The following TDRD3 variants were observed in gnomAD, a reference collection of about 807,000 sequenced individuals.
TDRD3 encodes tudor domain containing 3, also known as tudor domain-containing protein 3.
TDRD3 carries 45 observed loss-of-function variants against 86.7 expected under a neutral mutation model. That is an observed-to-expected ratio of 0.52 (90% CI 0.41 to 0.67). TDRD3 has a LOEUF of 0.67. Among genes scored for constraint, TDRD3 ranks in the 30% least tolerant of loss-of-function variants. TDRD3 has a pLI of 0.00. For synonymous variants in TDRD3, 298 were observed against 301.7 expected (o/e 0.99, Z 0.13); for missense variants, 814 against 889.0 (o/e 0.92, Z 1.07).
chr13:60,397,316 C>A lies in TDRD3; in HGVS notation c.-49C>A. 1 of 1,126,278 alleles carries A rather than the reference C, an allele frequency of 8.9e-7. No individual in the cohort carries two copies. Among genetic ancestry groups the A allele is most frequent in the Non-Finnish European group, 1.2e-6 (1 of 822,136 alleles). 69.8% of individuals were successfully genotyped at this position (1,126,278 alleles called of 1,614,324 possible). The stretch of plus-strand genomic sequence containing the variant: ...GGGGGGTCTCAAGTAGGAGGCCTCC[C>A]CATCACCCCCACCCCAGCCCCCCAC... On this transcript the variant is annotated 5_prime_UTR_variant, in exon 1 of 14. Transcript: ENST00000377881.
At chr13:60,560,515 G>A (rs1047195044) in intron 12 of TDRD3, among the ~76,000 whole-genome samples, 9 of 152,130 alleles carry the variant, frequency 5.9e-5, no homozygotes, top group South Asian at 2.1e-4. Context: ...TGCTTAACCT[G>A]CCAAAAATAG....
chr13:60,501,085 A>G (rs1956821200), intron 8 of TDRD3, among the ~76,000 whole-genome samples: 1 of 152,160 alleles, frequency 6.6e-6, no homozygotes, highest in Admixed American at 6.5e-5. Flanking sequence ...CGTTGATTAT[A>G]TTGCACATTT....
intron 5 of TDRD3, among the ~76,000 whole-genome samples, chr13:60,474,521 G>A (rs1697561188): frequency 6.6e-6 from 1 of 152,124 alleles, no homozygotes; most frequent in Non-Finnish European, 1.5e-5. Flanking sequence ...GTTTTTAAGT[G>A]GTTGCTGTAA....
chr13:60,563,058 A>G (rs548051140), intron 12 of TDRD3, among the ~76,000 whole-genome samples: 1 of 152,004 alleles, frequency 6.6e-6, no homozygotes, highest in African/African-American at 2.4e-5. Context: ...ATGAAACCCC[A>G]TCTCTACAAA....
At chr13:60,470,640 A>G (rs1231039597) in intron 5 of TDRD3, among the ~76,000 whole-genome samples, 2 of 145,514 alleles carry the variant, frequency 1.4e-5, no homozygotes, top group South Asian at 4.3e-4. Context: ...CTGGAGTACA[A>G]TGGCACGATT....
intron 1 of TDRD3, among the ~76,000 whole-genome samples, chr13:60,419,351 A>G (rs1288624807): frequency 1.3e-5 from 2 of 152,150 alleles, no homozygotes; most frequent in Non-Finnish European, 2.9e-5. Context: ...TAAAGTATCT[A>G]TTTGAGTCTT....
chr13:60,444,848 A>G, intron 3 of TDRD3, 100 bp downstream of exon 3: 2 of 602,994 alleles, frequency 3.3e-6, no homozygotes, highest in Non-Finnish European at 5.3e-6. Context: ...CTGCAATTGC[A>G]AAATACTCTG....
intron 8 of TDRD3, among the ~76,000 whole-genome samples, chr13:60,498,806 A>G (rs540337650): frequency 8.5e-5 from 13 of 152,254 alleles, no homozygotes; most frequent in African/African-American, 3.1e-4. Flanking sequence ...TTTGGGGACT[A>G]CTGGAAACTG....
At position 60,403,134 on chromosome 13, in the gene TDRD3, ATTT is replaced by A. The variant is rs11393806; in HGVS notation, c.41+5741_41+5743del. Among the ~76,000 whole-genome samples, 1,307 of 146,212 alleles carry A rather than the reference ATTT, an allele frequency of 8.9e-3. 17 individuals are homozygous for A. Among genetic ancestry groups the A allele is most frequent in the African/African-American group, 0.031 (1,242 of 39,930 alleles). On this transcript the variant is annotated intron_variant, in intron 1 of 13. Coordinates refer to ENST00000377881, the MANE Select transcript of TDRD3 (RefSeq NM_001146070.2). ...AGGTTTCAAGGTGCTGTTTGCAGTG[ATTT>A]TTTTTTTTTTTCTGGTGACTAACCT...
At chr13:60,443,208 C>T (rs1955324068) in intron 2 of TDRD3, among the ~76,000 whole-genome samples, 1 of 151,944 alleles carries the variant, frequency 6.6e-6, no homozygotes, top group Non-Finnish European at 1.5e-5. Context: ...GAGTGCTTCA[C>T]ATCTATTAAT....
intron 3 of TDRD3, among the ~76,000 whole-genome samples, chr13:60,448,307 C>T (rs1212225898): frequency 6.6e-6 from 1 of 152,054 alleles, no homozygotes; most frequent in Non-Finnish European, 1.5e-5. Flanking sequence ...TTCAGAAAGG[C>T]GTCGTCCTGA....
intron 12 of TDRD3, among the ~76,000 whole-genome samples, chr13:60,554,838 A>G (rs957141393): frequency 5.3e-5 from 8 of 152,178 alleles, no homozygotes; most frequent in African/African-American, 1.9e-4. Flanking sequence ...TCCAGATTGT[A>G]ATCAGTTCCC....
chr13:60,542,919 G>T (rs1277573963), intron 12 of TDRD3, among the ~76,000 whole-genome samples: 1 of 152,086 alleles, frequency 6.6e-6, no homozygotes, highest in African/African-American at 2.4e-5. Context: ...GACCTGTGCT[G>T]TTTATTCTAG....
intron 1 of TDRD3, among the ~76,000 whole-genome samples, chr13:60,399,414 AAC>A (rs1250335968): frequency 1.3e-5 from 2 of 152,218 alleles, no homozygotes; most frequent in Non-Finnish European, 2.9e-5. Flanking sequence ...CGGGGCTAAA[AAC>A]ACTATCTTTC....
In TDRD3 at chr13:60,483,761, G is replaced by A. The variant is rs1164100642; in HGVS notation, c.496-14G>A. ...ATGTATAACTGCTCTTTTGTGACTG[G>A]ATTTTTTCCGCAGAGCTTATCAAAA... On this transcript the variant is annotated splice_polypyrimidine_tract_variant and intron_variant, in intron 5 of 13. Coordinates refer to ENST00000377881, the MANE Select transcript of TDRD3 (RefSeq NM_001146070.2). 2.5e-6 allele frequency: 4 copies of A among 1,598,070 alleles called. No homozygotes were observed. The African/African-American group carries it at 5.4e-5, about 22-fold the overall frequency.
At chr13:60,416,416 G>C (rs1954517487) in intron 1 of TDRD3, among the ~76,000 whole-genome samples, 4 of 152,074 alleles carry the variant, frequency 2.6e-5, no homozygotes, top group Admixed American at 2.6e-4. Context: ...TCCATTCTTA[G>C]TGCTATTTCC....
At chr13:60,436,118 T>C (rs1241688921) in intron 1 of TDRD3, among the ~76,000 whole-genome samples, 1 of 144,882 alleles carries the variant, frequency 6.9e-6, no homozygotes, top group Non-Finnish European at 1.6e-5. Flanking sequence ...GTTTTTTTTT[T>C]TTTCTTGCTG....
chr13:60,467,889 C>T (rs1485866975), intron 5 of TDRD3, among the ~76,000 whole-genome samples: 1 of 152,052 alleles, frequency 6.6e-6, no homozygotes, highest in African/African-American at 2.4e-5. Context: ...GTAATTGTTC[C>T]TCTACTTTGC....
intron 2 of TDRD3, among the ~76,000 whole-genome samples, chr13:60,441,004 T>C (rs1289949936): frequency 6.6e-6 from 1 of 152,160 alleles, no homozygotes; most frequent in Non-Finnish European, 1.5e-5. Context: ...CACTGAGTCA[T>C]CTTTTTTTCA....
Sources: allele counts gnomAD v4.1 joint callset (sites outside exome capture counted in the v4.1 genomes callset), GRCh38; gene constraint gnomAD v4.1.1; transcripts MANE v1.5; gene names NCBI Gene and HGNC (gene_info 2026-07-23, HGNC 2026-07-21).